The following TMEM11 variants were observed in gnomAD, a reference collection of about 807,000 sequenced individuals.
TMEM11 encodes the protein transmembrane protein 11, mitochondrial.
In TMEM11, 1 loss-of-function variant was observed where a neutral mutation model predicts 17.0. The observed-to-expected ratio is 0.06, with a 90% CI of 0.02 to 0.28. TMEM11 has a LOEUF of 0.28. Ranked by LOEUF, TMEM11 falls within the 10% of genes least tolerant of loss-of-function variation. TMEM11 has a pLI of 1.00. For missense variants in TMEM11, 172 were observed against 252.9 expected (o/e 0.68, Z 2.17); for synonymous variants, 122 against 118.1 (o/e 1.03, Z -0.21).
chr17:21,199,779 G>A (rs936603756), intron 1 of TMEM11, among the ~76,000 whole-genome samples: 4 of 152,128 alleles, frequency 2.6e-5, no homozygotes, highest in Admixed American at 1.3e-4. Flanking sequence ...GCTCCTCCCC[G>A]CTGCGGAGGG....
At chr17:21,210,124 G>A (rs554557773) in intron 1 of TMEM11, among the ~76,000 whole-genome samples, 51 of 152,280 alleles carry the variant, frequency 3.3e-4, no homozygotes, top group African/African-American at 1.0e-3. Context: ...GGACCCAGGC[G>A]CAGCCCTCCC....
At chr17:21,199,328 G>GCAAAAAAAAAA (rs534888975) in intron 1 of TMEM11, among the ~76,000 whole-genome samples, 1 of 78,312 alleles carries the variant, frequency 1.3e-5, no homozygotes, top group Non-Finnish European at 2.3e-5. Flanking sequence ...CTCAGTCTCA[G>GCAAAAAAAAAA]AAAAAAAAAA....
intron 1 of TMEM11, among the ~76,000 whole-genome samples, chr17:21,202,659 G>A (rs1277054176): frequency 1.3e-5 from 2 of 151,998 alleles, no homozygotes; most frequent in Non-Finnish European, 1.5e-5. Context: ...GGGTGGGTGC[G>A]TCCACGAGTC....
At chr17:21,201,187 C>A (rs1974879278) in intron 1 of TMEM11, among the ~76,000 whole-genome samples, 1 of 152,228 alleles carries the variant, frequency 6.6e-6, no homozygotes, top group African/African-American at 2.4e-5. Flanking sequence ...TGGTAATGGG[C>A]TGACTGTGCC....
Position 21,198,829 on chromosome 17 carries a change from G to C in TMEM11, c.74C>G (p.Ser25Trp), listed in dbSNP as rs1027658928. The C allele has an allele frequency of 6.2e-7, 1 of 1,608,748 alleles. No homozygotes were observed. Among genetic ancestry groups the C allele is most frequent in the East Asian group, 2.2e-5 (1 of 44,762 alleles). ...ATGCACAATGTAGCAGTCTGTGGCC[G>C]ACAAGCTCACCCTTTTGATGGAGGG... ...GGSARERVSLSATDCYIVHEI... is the reference protein window; with the variant it reads ...GGSARERVSLWATDCYIVHEI... Residue 25 changes from serine to tryptophan, a missense_variant, in exon 2 of 2, where the codon TCG becomes TGG. By Grantham distance (177) the Ser-to-Trp change is radical. Around this residue, in one of 2 missense-constraint regions of TMEM11, gnomAD observed 49 missense variants for 39.3 expected, o/e 1.25. Coordinates refer to ENST00000317635, the MANE Select transcript of TMEM11 (RefSeq NM_003876.3). This position sits in a 1 kb window ranked among gnomAD's most constrained non-coding sequence, Gnocchi z 6.5.
intron 1 of TMEM11, chr17:21,211,343 A>T: frequency 1.3e-6 from 1 of 753,400 alleles, no homozygotes; most frequent in Admixed American, 2.6e-5. Context: ...TTCTGCAGTG[A>T]TGGAAATGTC....
At chr17:21,204,866 T>C (rs958798559) in intron 1 of TMEM11, among the ~76,000 whole-genome samples, 1 of 152,222 alleles carries the variant, frequency 6.6e-6, no homozygotes. Flanking sequence ...GAGCCTTTAG[T>C]GCTGGGAGCA....
chr17:21,203,262 C>T (rs1358896090), intron 1 of TMEM11, among the ~76,000 whole-genome samples: 1 of 152,208 alleles, frequency 6.6e-6, no homozygotes, highest in African/African-American at 2.4e-5. Context: ...CGTTGGAGCT[C>T]ACCCGGCCAC....
At position 21,198,435 on chromosome 17, in the gene TMEM11, C is replaced by G. The variant is rs564469579; in HGVS notation, c.468G>C (p.Pro156=). The G allele has an allele frequency of 2.5e-6, 4 of 1,614,212 alleles. No individual in the cohort carries two copies. The Admixed American group carries it at 6.7e-5, about 27-fold the overall frequency. ...GGTCGTCCTTCCGGACCAGCACCACCGGGGTGGAGGAGGTGAGTGTGTGCA... is the reference window on the plus strand; with the variant it reads ...GGTCGTCCTTCCGGACCAGCACCACGGGGGTGGAGGAGGTGAGTGTGTGCA... ...LPLHTLTSST[P]VVLVRKDDLH... The change falls in exon 2 of 2, where the codon CCG becomes CCC. Residue 156 remains proline (P), a synonymous_variant. Transcript: ENST00000317635. This position sits in a 1 kb window ranked among gnomAD's most constrained non-coding sequence, Gnocchi z 6.5.
chr17:21,206,921 T>C (rs1053815128), intron 1 of TMEM11, among the ~76,000 whole-genome samples: 4 of 152,164 alleles, frequency 2.6e-5, no homozygotes, highest in African/African-American at 9.6e-5. Flanking sequence ...AACGATGAAG[T>C]GGCTTTCCCA....
intron 1 of TMEM11, among the ~76,000 whole-genome samples, chr17:21,209,078 C>T (rs779693502): frequency 2.0e-5 from 3 of 152,232 alleles, no homozygotes; most frequent in Non-Finnish European, 2.9e-5. Flanking sequence ...CTCAAAGGCA[C>T]GGGCATGCGG....
chr17:21,209,578 G>A (rs1974980314), intron 1 of TMEM11, among the ~76,000 whole-genome samples: 1 of 152,190 alleles, frequency 6.6e-6, no homozygotes, highest in South Asian at 2.1e-4. Flanking sequence ...GACCAGCCTA[G>A]ACAACATGGT....
intron 1 of TMEM11, among the ~76,000 whole-genome samples, chr17:21,205,497 C>T (rs1395658275): frequency 6.6e-6 from 1 of 152,150 alleles, no homozygotes; most frequent in Non-Finnish European, 1.5e-5. Flanking sequence ...CTCTATCGCG[C>T]TGGGTGGGGA....
At chr17:21,213,740 A>C in intron 1 of TMEM11, 7 of 270,106 alleles carry the variant, frequency 2.6e-5, no homozygotes, top group Admixed American at 5.2e-5. Flanking sequence ...CCAGGCGGGA[A>C]GGGTGCTTCA....
At chr17:21,207,486 C>T (rs968671020) in intron 1 of TMEM11, among the ~76,000 whole-genome samples, 10 of 151,936 alleles carry the variant, frequency 6.6e-5, no homozygotes, top group African/African-American at 2.2e-4. Flanking sequence ...CGAGACTGCA[C>T]CACTGCATTC....
chr17:21,208,902 C>G (rs1206332755), intron 1 of TMEM11, among the ~76,000 whole-genome samples: 1 of 152,238 alleles, frequency 6.6e-6, no homozygotes, highest in East Asian at 1.9e-4. Context: ...CCAGAAAAGT[C>G]AACCCATCCG....
chr17:21,211,053 C>G, intron 1 of TMEM11: 1 of 1,289,796 alleles, frequency 7.8e-7, no homozygotes, highest in Non-Finnish European at 1.0e-6. Flanking sequence ...CACACGGTGG[C>G]AGAACACAGA....
At chr17:21,212,557 A>G (rs1483244932) in intron 1 of TMEM11, among the ~76,000 whole-genome samples, 1 of 152,348 alleles carries the variant, frequency 6.6e-6, no homozygotes, top group African/African-American at 2.4e-5. Flanking sequence ...GATCCAGCCT[A>G]TGCACTGCTA....
At chr17:21,202,518 G>A (rs1038979581) in intron 1 of TMEM11, among the ~76,000 whole-genome samples, 9 of 152,262 alleles carry the variant, frequency 5.9e-5, no homozygotes, top group East Asian at 1.9e-4. Context: ...TCCTGGAACC[G>A]ACTGCCCCAT....
Sources: allele counts gnomAD v4.1 joint callset (sites outside exome capture counted in the v4.1 genomes callset), GRCh38; gene constraint gnomAD v4.1.1; regional missense constraint gnomAD v4.1.1; non-coding constraint Gnocchi (gnomAD v3.1); transcripts MANE v1.5; gene names NCBI Gene and HGNC (gene_info 2026-07-23, HGNC 2026-07-21).